The following TMEM181 variants were observed in gnomAD, a reference collection of about 807,000 sequenced individuals.
TMEM181 encodes the protein transmembrane protein 181.
In TMEM181, 39 loss-of-function variants were observed where a neutral mutation model predicts 71.9. That is an observed-to-expected ratio of 0.54 (90% confidence interval 0.42 to 0.71). The LOEUF (loss-of-function observed/expected upper bound fraction) is 0.71, where lower values mean the gene tolerates loss of function less well. TMEM181 is among the 30% of genes least tolerant of loss of function. The pLI is 0.00. For missense variants in TMEM181, 595 were observed against 583.0 expected (o/e 1.02, Z -0.21); for synonymous variants, 245 against 228.8 (o/e 1.07, Z -0.64).
At chr6:158,579,871 A>G (rs1473059939) in intron 2 of TMEM181, among the ~76,000 whole-genome samples, 1 of 152,250 alleles carries the variant, frequency 6.6e-6, no homozygotes, top group African/African-American at 2.4e-5. Context: ...TAGAGTAGTT[A>G]AAATCATCAA....
chr6:158,574,719 A>G (rs1037942902), intron 2 of TMEM181, among the ~76,000 whole-genome samples: 4 of 152,200 alleles, frequency 2.6e-5, no homozygotes, highest in African/African-American at 2.4e-5. Flanking sequence ...AACAGAATCA[A>G]TACGAAATAT....
At chr6:158,590,210 C>T (rs1336463887) in intron 6 of TMEM181, among the ~76,000 whole-genome samples, 1 of 152,082 alleles carries the variant, frequency 6.6e-6, no homozygotes, top group African/African-American at 2.4e-5. Context: ...GTCAGTATAA[C>T]CAGCATAGTG....
rs974027104 is a variant in TMEM181, at chr6:158,634,846, T to C, written c.*2958T>C. The C allele has an allele frequency of 6.6e-6, 1 of 152,170 alleles. No individual in the cohort carries two copies. Among genetic ancestry groups the C allele is most frequent in the African/African-American group, 2.4e-5 (1 of 41,428 alleles). The allele number at this position is 152,170 out of a possible 1,614,324, so 9.4% of individuals were successfully genotyped here. A position where few individuals can be genotyped will look rare whatever the true frequency, so the allele number is the denominator to read the frequency against. Reference sequence around the variant, plus strand: ...ACTGAGGGTAGTTATGTTAAATAGATTATAATGTGGTAAATTATTTCCTGA... The same window carrying C: ...ACTGAGGGTAGTTATGTTAAATAGACTATAATGTGGTAAATTATTTCCTGA... On this transcript the variant is annotated 3_prime_UTR_variant, in exon 17 of 17. Coordinates refer to ENST00000684151, the MANE Select transcript of TMEM181 (RefSeq NM_001376852.1).
In TMEM181 at chr6:158,600,199, G is replaced by A. The variant is rs145238528; in HGVS notation, c.493-5068G>A. 3.6e-3 allele frequency among the ~76,000 whole-genome samples: 552 copies of A among 152,080 alleles called. 4 individuals carry two copies. Among genetic ancestry groups the A allele is most frequent in the African/African-American group, 0.012 (494 of 41,376 alleles). ...TTTTTTGTTTTTGAGATGGAGTTTT[G>A]CTCTTGTTGCCCAGGCTGGAATGCA... On this transcript the variant is annotated intron_variant, in intron 6 of 16. Coordinates refer to ENST00000684151, the MANE Select transcript of TMEM181 (RefSeq NM_001376852.1).
At chr6:158,580,757 T>TCC (rs1783424076) in intron 2 of TMEM181, among the ~76,000 whole-genome samples, 183 bp from the exon 3 acceptor site, 1 of 152,202 alleles carries the variant, frequency 6.6e-6, no homozygotes, top group Non-Finnish European at 1.5e-5. Flanking sequence ...GCAGAGTGGA[T>TCC]ATTCTGTGTC....
At chr6:158,547,615 C>A (rs1371750217) in intron 1 of TMEM181, among the ~76,000 whole-genome samples, 1 of 152,158 alleles carries the variant, frequency 6.6e-6, no homozygotes. Flanking sequence ...GCCCTGAAAT[C>A]CTGCTAGCTT....
At chr6:158,592,897 GT>G (rs979497760) in intron 6 of TMEM181, among the ~76,000 whole-genome samples, 1 of 152,070 alleles carries the variant, frequency 6.6e-6, no homozygotes, top group African/African-American at 2.4e-5. Flanking sequence ...TCCAGCCTGG[GT>G]GACAGAGTGA....
At position 158,629,723 on chromosome 6, in the gene TMEM181, G is replaced by C; in HGVS notation, c.1193-7G>C. ...AGATGCCGCGTTCCTTCCCTTGACA[G>C]CACCACCAGCCGAGTTCTTATCTTT... is the stretch of plus-strand genomic sequence containing the variant. On this transcript the variant is annotated splice_region_variant and splice_polypyrimidine_tract_variant and intron_variant, in intron 14 of 16. Coordinates refer to ENST00000684151, the MANE Select transcript of TMEM181 (RefSeq NM_001376852.1). 6.2e-7 allele frequency: 1 copy of C among 1,601,302 alleles called. No homozygotes were observed. Among genetic ancestry groups the C allele is most frequent in the East Asian group, 2.3e-5 (1 of 44,300 alleles).
chr6:158,546,737 T>C (rs1781537168), intron 1 of TMEM181, among the ~76,000 whole-genome samples: 1 of 152,034 alleles, frequency 6.6e-6, no homozygotes, highest in Admixed American at 6.5e-5. Context: ...GGTGGGCGGA[T>C]CACAAGGGTC....
chr6:158,611,335 G>T, intron 10 of TMEM181: 1 of 516,862 alleles, frequency 1.9e-6, no homozygotes, highest in South Asian at 1.5e-5. Context: ...GCTTGGTTTT[G>T]AACTAGTGAC....
At chr6:158,571,016 G>A (rs1159833434) in intron 1 of TMEM181, among the ~76,000 whole-genome samples, 5 of 151,602 alleles carry the variant, frequency 3.3e-5, no homozygotes, top group Middle Eastern at 3.4e-3. Context: ...TGGTTCAAGC[G>A]ATTCTCCTGC....
chr6:158,628,244 A>C (rs984153489), intron 13 of TMEM181, 164 bp from the exon 14 acceptor site: 1 of 718,800 alleles, frequency 1.4e-6, no homozygotes, highest in East Asian at 2.7e-5. Context: ...GTGTGTGTGC[A>C]TGTGTGCATC....
chr6:158,616,886 C>T (rs1165588785), intron 10 of TMEM181, among the ~76,000 whole-genome samples: 1 of 152,140 alleles, frequency 6.6e-6, no homozygotes, highest in Non-Finnish European at 1.5e-5. Flanking sequence ...ATTCGGTTTG[C>T]CAGTATTTTA....
At chr6:158,582,568 G>A (rs1369542247) in intron 3 of TMEM181, among the ~76,000 whole-genome samples, 3 of 152,110 alleles carry the variant, frequency 2.0e-5, no homozygotes, top group Admixed American at 2.0e-4. Flanking sequence ...GGGAGGCTGA[G>A]GTGGGAGGAT....
intron 1 of TMEM181, among the ~76,000 whole-genome samples, chr6:158,539,629 C>G (rs1226169898): frequency 6.6e-6 from 1 of 152,264 alleles, no homozygotes; most frequent in African/African-American, 2.4e-5. Context: ...ATTGGCCCCT[C>G]TGTTCAGCAG....
At chr6:158,619,974 C>T (rs1164603196) in intron 10 of TMEM181, among the ~76,000 whole-genome samples, 1 of 151,764 alleles carries the variant, frequency 6.6e-6, no homozygotes, top group Non-Finnish European at 1.5e-5. Context: ...ATTTGCCATT[C>T]CTGGTGATAA....
chr6:158,545,724 A>T (rs1781507031), intron 1 of TMEM181, among the ~76,000 whole-genome samples: 2 of 150,900 alleles, frequency 1.3e-5, no homozygotes, highest in Admixed American at 1.3e-4. Context: ...TACGTTGCCC[A>T]GGTTGGAGTG....
At position 158,560,188 on chromosome 6, in the gene TMEM181, G is replaced by T. The variant is rs1021115686; in HGVS notation, c.-37G>T. The T allele has an allele frequency of 1.5e-5, 15 of 984,750 alleles. No individual in the cohort carries two copies. Among genetic ancestry groups the T allele is most frequent in the Non-Finnish European group, 1.7e-5 (14 of 829,738 alleles). 61.0% of individuals were successfully genotyped at this position (984,750 alleles called of 1,614,324 possible). On this transcript the variant is annotated 5_prime_UTR_variant, in exon 1 of 17. Coordinates refer to ENST00000684151, the MANE Select transcript of TMEM181 (RefSeq NM_001376852.1). ...GCTGCGCGGCGCCTGGCGGGCTCGG[G>T]ACGCGCGGGCCGGGGCCGAGGGCTC... is the stretch of plus-strand genomic sequence containing the variant.
At chr6:158,614,367 C>A (rs1363070071) in intron 10 of TMEM181, among the ~76,000 whole-genome samples, 2 of 152,210 alleles carry the variant, frequency 1.3e-5, no homozygotes, top group Admixed American at 6.5e-5. Flanking sequence ...CATTCCTCAT[C>A]CTTTTTATTA....
Sources: allele counts gnomAD v4.1 joint callset (sites outside exome capture counted in the v4.1 genomes callset), GRCh38; gene constraint gnomAD v4.1.1; transcripts MANE v1.5; gene names NCBI Gene and HGNC (gene_info 2026-07-23, HGNC 2026-07-21).